The following NKAIN3 variants were observed in gnomAD, a reference collection of about 807,000 sequenced individuals.
The protein encoded by NKAIN3 is sodium/potassium transporting ATPase interacting 3, also known as sodium/potassium-transporting ATPase subunit beta-1-interacting protein 3.
NKAIN3 carries 25 observed loss-of-function variants against 30.2 expected under a neutral mutation model. The observed-to-expected ratio is 0.83, with a 90% CI of 0.60 to 1.16. The LOEUF (loss-of-function observed/expected upper bound fraction) is 1.16. Among genes scored for constraint, NKAIN3 ranks in the 50% most tolerant of loss-of-function variants. The pLI, the probability that NKAIN3 is intolerant of heterozygous loss-of-function variation, is 0.00. For missense variants in NKAIN3, 225 were observed against 254.1 expected (o/e 0.89, Z 0.78); for synonymous variants, 91 against 89.6 (o/e 1.02, Z -0.09).
chr8:62,351,620 A>G (rs1057029745), intron 1 of NKAIN3, among the ~76,000 whole-genome samples: 4 of 151,858 alleles, frequency 2.6e-5, no homozygotes, highest in Admixed American at 2.0e-4. Flanking sequence ...AGTTTGTGCA[A>G]ATTGGACAAA....
chr8:62,373,838 T>C (rs958309133), intron 1 of NKAIN3, among the ~76,000 whole-genome samples: 2 of 151,916 alleles, frequency 1.3e-5, no homozygotes, highest in African/African-American at 4.8e-5. Flanking sequence ...CTTGGCCGGG[T>C]GCGGTGGCCC....
intron 4 of NKAIN3, chr8:62,864,264 G>C: frequency 3.8e-6 from 4 of 1,042,026 alleles, no homozygotes; most frequent in African/African-American, 1.6e-5. Flanking sequence ...CGAGGCAGAC[G>C]GCAAAGGACA....
intron 1 of NKAIN3, among the ~76,000 whole-genome samples, chr8:62,399,277 G>A (rs988991456): frequency 2.6e-5 from 4 of 152,074 alleles, no homozygotes; most frequent in Non-Finnish European, 5.9e-5. Flanking sequence ...AGGCCGAGGC[G>A]GGTAGATCGC....
At chr8:62,437,322 G>C (rs544446069) in intron 1 of NKAIN3, among the ~76,000 whole-genome samples, 2 of 152,140 alleles carry the variant, frequency 1.3e-5, no homozygotes, top group Non-Finnish European at 2.9e-5. Flanking sequence ...GAAACGTAAG[G>C]CTTTATCACA....
chr8:62,760,542 C>T (rs1816619467), intron 4 of NKAIN3, among the ~76,000 whole-genome samples: 1 of 150,272 alleles, frequency 6.7e-6, no homozygotes, highest in Non-Finnish European at 1.5e-5. Flanking sequence ...AACCAAACAC[C>T]ACATGTTCTC....
chr8:62,842,443 T>A (rs1265660683), intron 4 of NKAIN3, among the ~76,000 whole-genome samples: 1 of 152,038 alleles, frequency 6.6e-6, no homozygotes, highest in African/African-American at 2.4e-5. Context: ...CTACAAAAAA[T>A]AATCTACAGA....
chr8:62,288,776 C>G (rs1813469558), intron 1 of NKAIN3, among the ~76,000 whole-genome samples: 1 of 152,124 alleles, frequency 6.6e-6, no homozygotes, highest in Non-Finnish European at 1.5e-5. Context: ...ATGGCTGGGT[C>G]AAATGGTATT....
At position 62,981,109 on chromosome 8, in the gene NKAIN3, T is replaced by C. The variant is rs898238491; in HGVS notation, c.*15702T>C. ...TTCAGGGTAGTGTTGAGAAGATAAC[T>C]CCTGGTCCCATTTTATTCTTTCCTC... is the stretch of plus-strand genomic sequence containing the variant. On this transcript the variant is annotated 3_prime_UTR_variant, in exon 7 of 7. Transcript: ENST00000623646. 6.6e-6 allele frequency: 1 copy of C among 152,214 alleles called. No homozygotes were observed. Among genetic ancestry groups the C allele is most frequent in the African/African-American group, 2.4e-5 (1 of 41,446 alleles). The allele number at this position is 152,214 out of a possible 1,614,324, so 9.4% of individuals were successfully genotyped here. A position where few individuals can be genotyped will look rare whatever the true frequency, so the allele number is the denominator to read the frequency against.
At position 62,430,365 on chromosome 8, in the gene NKAIN3, TG is replaced by T. The variant is rs1214139200; in HGVS notation, c.55-149172del. ...CTCTGAGATACATACATATATATTG[TG>T]GTGTGTGTGTGTGTGTGTGTGTGTG... On this transcript the variant is annotated intron_variant, in intron 1 of 6. Transcript: ENST00000623646. Among the ~76,000 whole-genome samples, 21 of 89,404 alleles carry T rather than the reference TG, an allele frequency of 2.3e-4. No homozygotes were observed. In the Admixed American group the frequency reaches 2.4e-3, roughly 10 times the overall value. The allele number at this position is 89,404 out of a possible 152,430, so 58.7% of individuals were successfully genotyped here. A position where few individuals can be genotyped will look rare whatever the true frequency, so the allele number is the denominator to read the frequency against.
At chr8:62,926,360 T>C (rs1237965269) in intron 5 of NKAIN3, among the ~76,000 whole-genome samples, 4 of 152,306 alleles carry the variant, frequency 2.6e-5, no homozygotes, top group Admixed American at 6.5e-5. Flanking sequence ...CTCACAAAGC[T>C]GGCTCTGCCA....
In NKAIN3 at chr8:62,318,921, C is replaced by T. The variant is rs544874551; in HGVS notation, c.54+69794C>T. On this transcript the variant is annotated intron_variant, in intron 1 of 6. Transcript: ENST00000623646. ...TCAGAGGGAATGGTACCAGCTCCTC[C>T]TTGTACCTCTGGTAGAATTCGGCTG... is the stretch of plus-strand genomic sequence containing the variant. Among the ~76,000 whole-genome samples the T allele has an allele frequency of 7.4e-3, 1,128 of 151,794 alleles. 20 individuals carry two copies. Among genetic ancestry groups the T allele is most frequent in the African/African-American group, 0.026 (1,063 of 41,116 alleles).
chr8:62,518,729 G>A lies in NKAIN3; in HGVS notation c.55-60810G>A, dbSNP rs181916927. On this transcript the variant is annotated intron_variant, in intron 1 of 6. Transcript: ENST00000623646. ...CTATGATTTTTCAAAGTTAAAAGGT[G>A]AGACAAAAAAACGAACCTTGAAATA... is the stretch of plus-strand genomic sequence containing the variant. Among the ~76,000 whole-genome samples, 415 of 152,236 alleles carry A rather than the reference G, an allele frequency of 2.7e-3. 1 individual carries two copies. Among genetic ancestry groups the A allele is most frequent in the African/African-American group, 9.7e-3 (402 of 41,558 alleles).
At chr8:62,964,549 T>TGC (rs1823652675) in intron 6 of NKAIN3, among the ~76,000 whole-genome samples, 1 of 143,244 alleles carries the variant, frequency 7.0e-6, no homozygotes, top group African/African-American at 2.5e-5. Context: ...TGTGTGTGTG[T>TGC]GTGTGTGTGT....
At chr8:62,743,258 T>C (rs1454196403) in intron 3 of NKAIN3, among the ~76,000 whole-genome samples, 2 of 152,210 alleles carry the variant, frequency 1.3e-5, no homozygotes, top group African/African-American at 4.8e-5. Context: ...TTGATATACC[T>C]TGTATAGAAA....
chr8:62,630,473 G>A (rs996408484), intron 3 of NKAIN3, among the ~76,000 whole-genome samples: 13 of 152,084 alleles, frequency 8.5e-5, no homozygotes, highest in African/African-American at 3.1e-4. Context: ...TAATCAGGAA[G>A]CTTTGGTTCT....
chr8:62,588,940 T>C (rs1309173571), intron 2 of NKAIN3, among the ~76,000 whole-genome samples: 1 of 151,888 alleles, frequency 6.6e-6, no homozygotes, highest in East Asian at 1.9e-4. Context: ...AGAGGAGCCA[T>C]AGTCCAATCA....
At chr8:62,890,990 G>T (rs543107271) in intron 4 of NKAIN3, among the ~76,000 whole-genome samples, 1 of 152,314 alleles carries the variant, frequency 6.6e-6, no homozygotes, top group Admixed American at 6.5e-5. Flanking sequence ...AGAGCAAGGT[G>T]GGAGGGTACC....
chr8:62,857,958 T>G (rs1820111117), intron 4 of NKAIN3, among the ~76,000 whole-genome samples: 1 of 152,212 alleles, frequency 6.6e-6, no homozygotes, highest in Admixed American at 6.5e-5. Context: ...AGTTGATTCT[T>G]TCTCATCTTT....
rs1213993473 is a variant in NKAIN3, at chr8:62,967,547, A to G, written c.*2140A>G. Among the ~76,000 whole-genome samples, 1 of 152,010 alleles carries G rather than the reference A, an allele frequency of 6.6e-6. No individual in the cohort carries two copies. Among genetic ancestry groups the G allele is most frequent in the African/African-American group, 2.4e-5 (1 of 41,348 alleles). ...TATGAAGAGCCCACAGAAACAACAA[A>G]CTCTGTTTTTTAAAAAGCAGCTGGG... On this transcript the variant is annotated 3_prime_UTR_variant, in exon 7 of 7. Coordinates refer to ENST00000623646, the MANE Select transcript of NKAIN3 (RefSeq NM_001304533.3).
Sources: allele counts gnomAD v4.1 joint callset (sites outside exome capture counted in the v4.1 genomes callset), GRCh38; gene constraint gnomAD v4.1.1; transcripts MANE v1.5; gene names NCBI Gene and HGNC (gene_info 2026-07-23, HGNC 2026-07-21).